The following ARHGEF38 variants were observed in gnomAD, a reference collection of about 807,000 sequenced individuals.
ARHGEF38 encodes the protein Rho guanine nucleotide exchange factor 38, also known as Rho guanine nucleotide exchange factor (GEF) 38.
In ARHGEF38, 79 loss-of-function variants were observed where a neutral mutation model predicts 79.9. The observed-to-expected ratio is 0.99, with a 90% CI of 0.82 to 1.19. ARHGEF38 has a LOEUF of 1.19. ARHGEF38 is among the 50% of genes most tolerant of loss of function. The probability of loss-of-function intolerance (pLI) is 0.00; values close to 1 mark genes in which losing one functional copy is unlikely to be tolerated. For synonymous variants in ARHGEF38, 366 were observed against 328.3 expected, an observed-to-expected ratio of 1.11 and a Z score of -1.24; for missense variants, 962 against 907.2, an observed-to-expected ratio of 1.06 and a Z score of -0.78.
At position 105,668,698 on chromosome 4, in the gene ARHGEF38, A is replaced by ATAGG. The variant is rs202017818; in HGVS notation, c.2148+998_2148+999insGTAG. ...GATAGATAGATAGATAGATAGATAG[A>ATAGG]TAGATAGATGATAGATAGATAGATA... On this transcript the variant is annotated intron_variant, in intron 13 of 13. Transcript: ENST00000420470. 5.4e-3 allele frequency among the ~76,000 whole-genome samples: 829 copies of ATAGG among 152,144 alleles called. 9 individuals are homozygous for ATAGG. The highest frequency in any genetic ancestry group is 0.018 in the African/African-American group (748 of 41,492).
At chr4:105,565,326 A>G (rs1725833900) in intron 1 of ARHGEF38, among the ~76,000 whole-genome samples, 1 of 152,172 alleles carries the variant, frequency 6.6e-6, no homozygotes, top group Admixed American at 6.5e-5. Context: ...TATTTCACAG[A>G]AGTCTGCTCC....
intron 1 of ARHGEF38, among the ~76,000 whole-genome samples, chr4:105,566,076 T>C (rs888512597): frequency 6.6e-6 from 1 of 152,166 alleles, no homozygotes; most frequent in East Asian, 1.9e-4. Flanking sequence ...GCCAAAGTGA[T>C]CTTGCTAAGA....
intron 3 of ARHGEF38, among the ~76,000 whole-genome samples, chr4:105,625,659 T>C (rs1728913316): frequency 6.6e-6 from 1 of 152,200 alleles, no homozygotes; most frequent in Admixed American, 6.5e-5. Context: ...TTCCTGGACA[T>C]TGTCATGGGA....
intron 5 of ARHGEF38, among the ~76,000 whole-genome samples, chr4:105,636,812 G>T (rs910196005): frequency 2.0e-5 from 3 of 151,982 alleles, no homozygotes; most frequent in Non-Finnish European, 2.9e-5. Context: ...TAATGCATAA[G>T]AAAAGATTAT....
At chr4:105,593,630 T>C (rs1439481876) in intron 2 of ARHGEF38, among the ~76,000 whole-genome samples, 1 of 152,208 alleles carries the variant, frequency 6.6e-6, no homozygotes, top group African/African-American at 2.4e-5. Context: ...TCAAATGGAC[T>C]AAGTTTACCT....
intron 1 of ARHGEF38, among the ~76,000 whole-genome samples, chr4:105,559,637 A>C (rs940819713): frequency 6.6e-6 from 1 of 152,122 alleles, no homozygotes; most frequent in Non-Finnish European, 1.5e-5. Flanking sequence ...AGAAGGAAAT[A>C]TCACATTTTA....
chr4:105,586,992 G>C (rs186292510), intron 1 of ARHGEF38, among the ~76,000 whole-genome samples: 1 of 129,902 alleles, frequency 7.7e-6, no homozygotes, highest in East Asian at 2.4e-4. Context: ...TAAAAAGAAA[G>C]GGCCACAATG....
At chr4:105,625,117 A>AT (rs1728889223) in intron 3 of ARHGEF38, among the ~76,000 whole-genome samples, 1 of 152,212 alleles carries the variant, frequency 6.6e-6, no homozygotes, top group African/African-American at 2.4e-5. Context: ...TTTTGTAAAC[A>AT]TTATCTTAGT....
intron 13 of ARHGEF38, among the ~76,000 whole-genome samples, chr4:105,673,068 C>T (rs763379136): frequency 9.9e-5 from 15 of 152,152 alleles, no homozygotes; most frequent in Non-Finnish European, 1.3e-4. Context: ...TGACTAACTC[C>T]GAGTCAATTT....
At chr4:105,645,909 ATTG>A (rs1404667468) in intron 6 of ARHGEF38, among the ~76,000 whole-genome samples, 1 of 152,228 alleles carries the variant, frequency 6.6e-6, no homozygotes, top group African/African-American at 2.4e-5. Flanking sequence ...TTAGCAAATT[ATTG>A]TTAACTATTT....
chr4:105,585,974 A>G (rs900486886), intron 1 of ARHGEF38, among the ~76,000 whole-genome samples: 1 of 151,338 alleles, frequency 6.6e-6, no homozygotes, highest in Admixed American at 6.6e-5. Context: ...CAGGTGATCC[A>G]CCCACCTCGG....
chr4:105,667,789 T>C (rs1730808457), intron 13 of ARHGEF38, 86 bp downstream of exon 13: 1 of 1,455,342 alleles, frequency 6.9e-7, no homozygotes, highest in South Asian at 1.4e-5. Context: ...TAACACTTGG[T>C]GGAAAAGTGC....
intron 1 of ARHGEF38, among the ~76,000 whole-genome samples, chr4:105,555,023 C>G (rs1352183599): frequency 1.3e-5 from 2 of 152,066 alleles, no homozygotes; most frequent in African/African-American, 4.8e-5. Context: ...ATAATTTTTG[C>G]TATTCACAAA....
chr4:105,569,372 T>C (rs1440482615), intron 1 of ARHGEF38, among the ~76,000 whole-genome samples: 2 of 152,206 alleles, frequency 1.3e-5, no homozygotes, highest in African/African-American at 4.8e-5. Flanking sequence ...TTTGTAGCAG[T>C]CTTTGCTGTT....
At chr4:105,655,397 GAGAA>G (rs1296923348) in intron 8 of ARHGEF38, among the ~76,000 whole-genome samples, 2 of 152,316 alleles carry the variant, frequency 1.3e-5, no homozygotes, top group Admixed American at 1.3e-4. Flanking sequence ...AGAGTACTAT[GAGAA>G]AGAGACATAA....
At chr4:105,624,299 A>G (rs908656651) in intron 3 of ARHGEF38, among the ~76,000 whole-genome samples, 2 of 152,222 alleles carry the variant, frequency 1.3e-5, no homozygotes, top group Admixed American at 1.3e-4. Context: ...TGGAGTTATG[A>G]TCTGAAGCTA....
chr4:105,644,057 G>A (rs972764087), intron 5 of ARHGEF38, among the ~76,000 whole-genome samples: 4 of 151,356 alleles, frequency 2.6e-5, no homozygotes, highest in East Asian at 3.9e-4. Context: ...TTCTAGAGAC[G>A]GGGTTTTGCT....
intron 9 of ARHGEF38, 42 bp from the exon 10 acceptor site, chr4:105,659,012 C>A: frequency 6.7e-7 from 1 of 1,486,474 alleles, no homozygotes. Flanking sequence ...AAGGTATGGG[C>A]TGATCCTCTC....
At chr4:105,604,172 A>C (rs1727942540) in intron 2 of ARHGEF38, among the ~76,000 whole-genome samples, 1 of 152,140 alleles carries the variant, frequency 6.6e-6, no homozygotes, top group Non-Finnish European at 1.5e-5. Flanking sequence ...AACTGACTTC[A>C]TGTGTGTGGG....
Sources: gnomAD v4.1 joint callset for allele counts (sites outside exome capture counted in the v4.1 genomes callset) on GRCh38, gnomAD v4.1.1 for gene constraint, MANE v1.5 for transcripts, NCBI Gene and HGNC (gene_info 2026-07-23, HGNC 2026-07-21) for gene names.